The following SORBS2 variants were observed in gnomAD, a reference collection of about 807,000 sequenced individuals.
SORBS2 encodes the protein sorbin and SH3 domain-containing protein 2.
A neutral mutation model predicts 97.7 loss-of-function variants in SORBS2; 46 were observed. The ratio of observed to expected loss-of-function variants is 0.47; its 90% CI spans 0.37 to 0.60. The LOEUF (loss-of-function observed/expected upper bound fraction) is 0.60. Among genes scored for constraint, SORBS2 ranks in the 20% least tolerant of loss-of-function variants. SORBS2 has a pLI of 0.00. For synonymous variants in SORBS2, 476 were observed against 473.4 expected, an observed-to-expected ratio of 1.01 and a Z score of -0.07; for missense variants, 1,316 against 1,282.3, an observed-to-expected ratio of 1.03 and a Z score of -0.40.
intron 1 of SORBS2, among the ~76,000 whole-genome samples, chr4:185,806,459 T>A (rs1316570492): frequency 1.1e-5 from 1 of 92,490 alleles, no homozygotes; most frequent in Admixed American, 1.1e-4. Flanking sequence ...TTTTTTTTTT[T>A]TTTTTTTTTT....
chr4:185,731,864 CTCTA>C (rs1397711934), intron 2 of SORBS2, among the ~76,000 whole-genome samples: 73 of 29,014 alleles, frequency 2.5e-3, no homozygotes, highest in East Asian at 4.3e-3. Context: ...CTCTCTCTCT[CTCTA>C]TATATATATA....
At chr4:185,787,633 C>A (rs1326419773) in intron 1 of SORBS2, among the ~76,000 whole-genome samples, 1 of 152,144 alleles carries the variant, frequency 6.6e-6, no homozygotes, top group Non-Finnish European at 1.5e-5. Context: ...CAGGTCTTCT[C>A]ATTTCTCTCT....
chr4:185,731,011 A>G (rs956702949), intron 2 of SORBS2, among the ~76,000 whole-genome samples: 3 of 152,262 alleles, frequency 2.0e-5, no homozygotes, highest in Admixed American at 1.3e-4. Flanking sequence ...CTCGGGGAAC[A>G]AATGACTCAT....
At chr4:185,865,003 AGAG>A (rs1158670831) in intron 1 of SORBS2, among the ~76,000 whole-genome samples, 2 of 152,022 alleles carry the variant, frequency 1.3e-5, no homozygotes, top group African/African-American at 2.4e-5. Flanking sequence ...GGACAGCAGA[AGAG>A]GAGGAGCCGA....
At chr4:185,782,400 C>T (rs1311043487) in intron 1 of SORBS2, among the ~76,000 whole-genome samples, 1 of 152,198 alleles carries the variant, frequency 6.6e-6, no homozygotes, top group Non-Finnish European at 1.5e-5. Flanking sequence ...TACTTGCATT[C>T]ATATATCATA....
intron 1 of SORBS2, among the ~76,000 whole-genome samples, chr4:185,951,688 C>T (rs1246843983): frequency 6.6e-6 from 1 of 152,188 alleles, no homozygotes; most frequent in Admixed American, 6.5e-5. Flanking sequence ...CTGAGAGATG[C>T]TGAACAAAGG....
At chr4:185,676,676 T>G (rs145863571) in intron 4 of SORBS2, among the ~76,000 whole-genome samples, 2 of 152,274 alleles carry the variant, frequency 1.3e-5, no homozygotes, top group African/African-American at 2.4e-5. Context: ...TAAACATGCT[T>G]TAAGTCCTGA....
At chr4:185,785,780 G>A (rs1351755536) in intron 1 of SORBS2, among the ~76,000 whole-genome samples, 3 of 152,188 alleles carry the variant, frequency 2.0e-5, no homozygotes, top group African/African-American at 7.2e-5. Flanking sequence ...TTAAGAGCAT[G>A]GGCTTGGAGA....
exon 1 of SORBS2, chr4:185,656,848 G>A (rs2097414847): frequency 7.4e-7 from 1 of 1,345,890 alleles, no homozygotes; most frequent in African/African-American, 1.5e-5. Flanking sequence ...CATCCCAGGA[G>A]AGCTCTCAGC....
chr4:185,734,679 T>C (rs1055310658), intron 2 of SORBS2, among the ~76,000 whole-genome samples: 3 of 152,180 alleles, frequency 2.0e-5, no homozygotes, highest in Admixed American at 2.0e-4. Context: ...CTGCATAGGA[T>C]GATGGGGAGA....
At chr4:185,832,898 G>T (rs1030710385) in intron 1 of SORBS2, among the ~76,000 whole-genome samples, 3 of 152,174 alleles carry the variant, frequency 2.0e-5, no homozygotes, top group African/African-American at 7.2e-5. Context: ...TGATTAGTCC[G>T]AATTCAGGGG....
intron 3 of SORBS2, 100 bp downstream of exon 12, chr4:185,649,367 C>T (rs7663196): frequency 0.47 from 448,608 of 963,150 alleles, 110,795 homozygotes; most frequent in South Asian, 0.52. Flanking sequence ...TACACATCCG[C>T]TCTCTCTGTG....
intron 4 of SORBS2, among the ~76,000 whole-genome samples, chr4:185,637,572 A>G (rs548167710): frequency 1.3e-5 from 2 of 152,248 alleles, no homozygotes; most frequent in South Asian, 2.1e-4. Flanking sequence ...TTACTCTGCC[A>G]TTTACTATTT....
At chr4:185,597,776 G>T (rs956601739) in intron 12 of SORBS2, among the ~76,000 whole-genome samples, 1 of 152,098 alleles carries the variant, frequency 6.6e-6, no homozygotes, top group African/African-American at 2.4e-5. Flanking sequence ...GCACTCTGTC[G>T]CCACCTAGTG....
chr4:185,695,340 T>C (rs2098161117), intron 2 of SORBS2, among the ~76,000 whole-genome samples: 1 of 152,098 alleles, frequency 6.6e-6, no homozygotes, highest in African/African-American at 2.4e-5. Context: ...AGGACTGAAT[T>C]TTAGCTCAGT....
In SORBS2 at chr4:185,709,304, C is replaced by CCTTTTTTTTTTTTTT. The variant is rs1554199361; in HGVS notation, c.-197-30483_-197-30482insAAAAAAAAAAAAAAG. On this transcript the variant is annotated intron_variant, in intron 2 of 20. Transcript: ENST00000284776. ...GCATGAGCCGCTGTGCTGGCCAAAT[C>CCTTTTTTTTTTTTTT]TTTTTTTTTTTTTTTTTTTTAGTAA... Among the ~76,000 whole-genome samples the CCTTTTTTTTTTTTTT allele has an allele frequency of 1.2e-3, 117 of 96,726 alleles. 14 individuals are homozygous for CCTTTTTTTTTTTTTT. The highest frequency in any genetic ancestry group is 2.8e-3 in the South Asian group (8 of 2,846). The allele number at this position is 96,726 out of a possible 152,430, so 63.5% of individuals were successfully genotyped here.
chr4:185,901,463 T>A (rs1270794078), intron 1 of SORBS2, among the ~76,000 whole-genome samples: 1 of 152,096 alleles, frequency 6.6e-6, no homozygotes, highest in Non-Finnish European at 1.5e-5. Context: ...CTCGGCCTCC[T>A]AAGGTGCTGA....
intron 1 of SORBS2, among the ~76,000 whole-genome samples, chr4:185,847,284 C>T (rs931031948): frequency 6.6e-6 from 1 of 152,086 alleles, no homozygotes; most frequent in Non-Finnish European, 1.5e-5. Context: ...GTTATTTCTC[C>T]CTAGTGAGTG....
intron 1 of SORBS2, among the ~76,000 whole-genome samples, chr4:185,653,943 C>A (rs750635527): frequency 6.6e-6 from 1 of 152,198 alleles, no homozygotes; most frequent in Admixed American, 6.5e-5. Context: ...CATTCTTATA[C>A]TTACTAGACT....
Sources: gnomAD v4.1 joint callset for allele counts (sites outside exome capture counted in the v4.1 genomes callset) on GRCh38, gnomAD v4.1.1 for gene constraint, MANE v1.5 for transcripts, NCBI Gene and HGNC (gene_info 2026-07-23, HGNC 2026-07-21) for gene names.